Variants in ATRNL1 observed in about 807,000 individuals in gnomAD.
ATRNL1 encodes attractin like 1.
ATRNL1 carries 95 observed loss-of-function variants against 182.7 expected under a neutral mutation model. The ratio of observed to expected loss-of-function variants is 0.52; its 90% CI spans 0.44 to 0.62. The LOEUF is 0.62. Ranked by LOEUF, ATRNL1 falls within the 20% of genes least tolerant of loss-of-function variation. ATRNL1 has a pLI of 0.00. For missense variants in ATRNL1, 1,471 were observed against 1,679.5 expected, an observed-to-expected ratio of 0.88 and a Z score of 2.17; for synonymous variants, 576 against 568.3, an observed-to-expected ratio of 1.01 and a Z score of -0.19.
intron 26 of ATRNL1, among the ~76,000 whole-genome samples, chr10:115,623,201 T>C (rs1555023609): frequency 6.6e-6 from 1 of 152,152 alleles, no homozygotes; most frequent in Non-Finnish European, 1.5e-5. Context: ...AAAATGTATG[T>C]ACACATACAA....
intron 20 of ATRNL1, among the ~76,000 whole-genome samples, chr10:115,415,849 T>A (rs562052032): frequency 1.3e-5 from 2 of 152,146 alleles, no homozygotes; most frequent in Admixed American, 1.3e-4. Context: ...CTTTTATCAT[T>A]TACTAGATTT....
chr10:115,324,481 C>T (rs1592451783), intron 18 of ATRNL1, among the ~76,000 whole-genome samples: 1 of 152,168 alleles, frequency 6.6e-6, no homozygotes. Flanking sequence ...GGGCCATTTA[C>T]ATCTGCTTTT....
chr10:115,489,197 T>C (rs1178762991), intron 24 of ATRNL1, among the ~76,000 whole-genome samples: 2 of 152,224 alleles, frequency 1.3e-5, no homozygotes, highest in Non-Finnish European at 2.9e-5. Context: ...AGAATGTATA[T>C]TCTGTTGATT....
intron 26 of ATRNL1, among the ~76,000 whole-genome samples, chr10:115,713,715 T>G (rs572579936): frequency 5.2e-4 from 79 of 151,110 alleles, no homozygotes; most frequent in African/African-American, 1.9e-3. Flanking sequence ...CATCTATCTA[T>G]CTATCTATCT....
chr10:115,694,835 A>T (rs1946502196), intron 26 of ATRNL1, among the ~76,000 whole-genome samples: 1 of 151,080 alleles, frequency 6.6e-6, no homozygotes, highest in South Asian at 2.1e-4. Context: ...AGGGTGGAGG[A>T]TGGTAGAAAT....
intron 15 of ATRNL1, among the ~76,000 whole-genome samples, chr10:115,296,248 A>C (rs572202925): frequency 2.0e-5 from 3 of 152,270 alleles, no homozygotes; most frequent in African/African-American, 7.2e-5. Flanking sequence ...GGGTGCCTCC[A>C]TGCTGCCTTT....
intron 27 of ATRNL1, among the ~76,000 whole-genome samples, chr10:115,762,008 A>T (rs1486369588): frequency 1.3e-5 from 2 of 152,166 alleles, no homozygotes; most frequent in African/African-American, 4.8e-5. Flanking sequence ...AGTATCTAAG[A>T]TCACAATAAA....
At chr10:115,139,331 C>T (rs1845661026) in intron 5 of ATRNL1, among the ~76,000 whole-genome samples, 1 of 152,134 alleles carries the variant, frequency 6.6e-6, no homozygotes, top group African/African-American at 2.4e-5. Context: ...CTACTGGTAC[C>T]AATTTACTGT....
chr10:115,512,415 C>G (rs994994648), intron 24 of ATRNL1, among the ~76,000 whole-genome samples: 5 of 151,752 alleles, frequency 3.3e-5, no homozygotes, highest in Non-Finnish European at 5.9e-5. Context: ...CCTTTCATAG[C>G]TTTTAATAAG....
intron 9 of ATRNL1, among the ~76,000 whole-genome samples, chr10:115,216,130 T>C (rs1564826970): frequency 6.6e-6 from 1 of 152,208 alleles, no homozygotes; most frequent in African/African-American, 2.4e-5. Flanking sequence ...TTTAGTTTCA[T>C]CATCTAACTT....
intron 13 of ATRNL1, among the ~76,000 whole-genome samples, chr10:115,279,953 A>G (rs561370106): frequency 1.3e-5 from 2 of 152,202 alleles, no homozygotes; most frequent in Non-Finnish European, 2.9e-5. Context: ...CTTGTGTGTT[A>G]GGGGCCACAG....
intron 27 of ATRNL1, among the ~76,000 whole-genome samples, chr10:115,771,093 A>G (rs1948977412): frequency 6.6e-6 from 1 of 152,180 alleles, no homozygotes; most frequent in African/African-American, 2.4e-5. Flanking sequence ...GCTACCATTT[A>G]TCAAATACCT....
At position 115,394,743 on chromosome 10, in the gene ATRNL1, A is replaced by G. The variant is rs202004346; in HGVS notation, c.3260A>G (p.Gln1087Arg). The G allele has an allele frequency of 2.3e-5, 37 of 1,598,358 alleles. No homozygotes were observed. The highest frequency in any genetic ancestry group is 3.1e-5 in the Non-Finnish European group (36 of 1,172,452). Residue 1087 changes from glutamine to arginine, a missense_variant, in exon 20 of 29, where the codon CAA (glutamine) becomes CGA (arginine). Gln to Arg is a conservative substitution (Grantham distance 43). Transcript: ENST00000355044. ...ACAACTAAAGGAATAAAAGGTGACC[A>G]ATGCCAATTGTAAGTAAGAATGACT... The part of the protein sequence containing the change: ...FCTTKGIKGD[Q>R]CQLCDSENRY...
chr10:115,413,972 C>T (rs1374594244), intron 20 of ATRNL1, among the ~76,000 whole-genome samples: 3 of 152,112 alleles, frequency 2.0e-5, no homozygotes, highest in East Asian at 3.9e-4. Flanking sequence ...TATATACACA[C>T]ATATAAATAT....
At chr10:115,185,892 G>C (rs545868775) in intron 8 of ATRNL1, among the ~76,000 whole-genome samples, 1 of 151,984 alleles carries the variant, frequency 6.6e-6, no homozygotes. Context: ...GAGACATTAC[G>C]TGTGGTAGAG....
chr10:115,558,816 CAGTA>C (rs143371079), intron 26 of ATRNL1, among the ~76,000 whole-genome samples: 1,942 of 152,234 alleles, frequency 0.013, 34 homozygotes, highest in African/African-American at 0.044. Context: ...TACTAATTCT[CAGTA>C]AGAACAGCAA....
At chr10:115,559,427 TGTG>T (rs1853536158) in intron 26 of ATRNL1, among the ~76,000 whole-genome samples, 1 of 105,836 alleles carries the variant, frequency 9.4e-6, no homozygotes, top group African/African-American at 3.4e-5. Flanking sequence ...TGTGTGTGTG[TGTG>T]TGTGTGTGTG....
intron 26 of ATRNL1, among the ~76,000 whole-genome samples, chr10:115,677,855 G>T (rs1435251636): frequency 6.6e-6 from 1 of 151,964 alleles, no homozygotes; most frequent in East Asian, 1.9e-4. Flanking sequence ...GCTCCAAAGG[G>T]TATCAGTGGC....
intron 15 of ATRNL1, among the ~76,000 whole-genome samples, chr10:115,293,459 T>A (rs1275815645): frequency 6.6e-6 from 1 of 152,190 alleles, no homozygotes; most frequent in South Asian, 2.1e-4. Context: ...TGTTCCTTTC[T>A]TCCTCTCTTA....
Sources: gnomAD v4.1 joint callset for allele counts (sites outside exome capture counted in the v4.1 genomes callset) on GRCh38, gnomAD v4.1.1 for gene constraint, MANE v1.5 for transcripts, NCBI Gene and HGNC (gene_info 2026-07-23, HGNC 2026-07-21) for gene names.